TRIM14: variants seen among roughly 807,000 people sequenced by gnomAD.
TRIM14 encodes tripartite motif containing 14, also known as tripartite motif-containing protein 14.
In TRIM14, 28 loss-of-function variants were observed where a neutral mutation model predicts 44.5. The observed-to-expected ratio is 0.63, with a 90% CI of 0.47 to 0.86. The LOEUF is 0.86. TRIM14 is among the 40% of genes least tolerant of loss of function. The pLI, the probability that TRIM14 is intolerant of heterozygous loss-of-function variation, is 0.00. For missense variants in TRIM14, 607 were observed against 611.1 expected (o/e 0.99, Z 0.07); for synonymous variants, 299 against 269.2 (o/e 1.11, Z -1.08).
the TRIM14 span, among the ~76,000 whole-genome samples, chr9:98,041,386 A>C: frequency 6.6e-6 from 1 of 151,846 alleles, no homozygotes; most frequent in Admixed American, 6.6e-5. Flanking sequence ...GGGTTTCACC[A>C]TGTGGGCCAG....
Position 98,099,065 on chromosome 9 carries a change from G to A in TRIM14, c.537+866C>T, listed in dbSNP as rs145849895. 1.5e-3 allele frequency among the ~76,000 whole-genome samples: 225 copies of A among 152,268 alleles called. 2 individuals are homozygous for A. The highest frequency in any genetic ancestry group is 0.01 in the Middle Eastern group (3 of 294). On this transcript the variant is annotated intron_variant, in intron 3 of 5. Coordinates refer to ENST00000341469, the MANE Select transcript of TRIM14 (RefSeq NM_014788.4). The stretch of plus-strand genomic sequence containing the variant: ...TTCCTCAACAAAGCCCAGTGGCCAA[G>A]GAGTACCATTGAGCCAGCTGTGACT...
At chr9:98,089,094 A>G (rs1433468157) in intron 5 of TRIM14, among the ~76,000 whole-genome samples, 1 of 152,220 alleles carries the variant, frequency 6.6e-6, no homozygotes, top group Non-Finnish European at 1.5e-5. Flanking sequence ...TAAGAAAAAG[A>G]GCATTTTTCT....
At chr9:98,061,571 A>G in the TRIM14 span, among the ~76,000 whole-genome samples, 1 of 150,272 alleles carries the variant, frequency 6.7e-6, no homozygotes, top group Non-Finnish European at 1.5e-5. Flanking sequence ...CACGAGGTCA[A>G]GAGATCAAGA....
At chr9:98,082,808 T>C (rs1408914832), downstream of TRIM14, 2 of 1,599,474 alleles carry the variant, frequency 1.3e-6, no homozygotes, top group African/African-American at 2.7e-5. Flanking sequence ...ACTAGTTACT[T>C]CTGTGAAGCT....
At chr9:98,053,300 C>T in the TRIM14 span, among the ~76,000 whole-genome samples, 1 of 152,170 alleles carries the variant, frequency 6.6e-6, no homozygotes, top group Non-Finnish European at 1.5e-5. Flanking sequence ...AATTCCTGTC[C>T]TCTGGATGGC....
the TRIM14 span, among the ~76,000 whole-genome samples, chr9:98,046,411 G>A: frequency 6.6e-6 from 1 of 152,014 alleles, no homozygotes; most frequent in Admixed American, 6.6e-5. Flanking sequence ...ATCTAGGGAT[G>A]TCTGTTGATA....
chr9:98,062,039 C>G, the TRIM14 span, among the ~76,000 whole-genome samples: 1 of 151,560 alleles, frequency 6.6e-6, no homozygotes, highest in South Asian at 2.1e-4. Context: ...GTGGGCAACA[C>G]AGGGAGACCC....
Position 98,087,090 on chromosome 9 carries a change from T to G in TRIM14, c.*380A>C, listed in dbSNP as rs941325115. 2.3e-6 allele frequency: 1 copy of G among 443,790 alleles called. No individual in the cohort carries two copies. Among genetic ancestry groups the G allele is most frequent in the Admixed American group, 3.2e-5 (1 of 31,528 alleles). 27.5% of individuals were successfully genotyped at this position (443,790 alleles called of 1,614,324 possible). On this transcript the variant is annotated 3_prime_UTR_variant, in exon 6 of 6. Transcript: ENST00000341469. ...CCCATTCATTCACAAACGTTTACTG[T>G]GTGCCTACTATGTGTCAGGTTCCTG...
At chr9:98,054,716 A>G in the TRIM14 span, among the ~76,000 whole-genome samples, 1 of 152,182 alleles carries the variant, frequency 6.6e-6, no homozygotes, top group Non-Finnish European at 1.5e-5. Context: ...GCCGATAGAG[A>G]TGACGCCAGA....
At chr9:98,037,199 G>A in the TRIM14 span, among the ~76,000 whole-genome samples, 2 of 152,112 alleles carry the variant, frequency 1.3e-5, no homozygotes, top group Non-Finnish European at 2.9e-5. Flanking sequence ...CCAACATGGT[G>A]AAAGCCTGTC....
chr9:98,113,113 C>CAAAAAAAAA (rs57908629), intron 1 of TRIM14, among the ~76,000 whole-genome samples: 1 of 39,250 alleles, frequency 2.5e-5, no homozygotes, highest in Non-Finnish European at 5.9e-5. Context: ...AACTCCATCT[C>CAAAAAAAAA]AAAAAAAAAA....
chr9:98,099,463 A>T (rs951989037), intron 3 of TRIM14, among the ~76,000 whole-genome samples: 1 of 151,438 alleles, frequency 6.6e-6, no homozygotes, highest in Non-Finnish European at 1.5e-5. Context: ...AAAAAAAAAA[A>T]AAAAAAAAAA....
chr9:98,052,747 C>T, the TRIM14 span, among the ~76,000 whole-genome samples: 1 of 152,212 alleles, frequency 6.6e-6, no homozygotes, highest in African/African-American at 2.4e-5. Flanking sequence ...CTCAGCTGAT[C>T]CACTCTCCTT....
At chr9:98,108,118 T>C (rs1273072904) in intron 2 of TRIM14, among the ~76,000 whole-genome samples, 1 of 151,066 alleles carries the variant, frequency 6.6e-6, no homozygotes, top group Non-Finnish European at 1.5e-5. Flanking sequence ...GCTATAGTTA[T>C]GTAACAAGTA....
chr9:98,077,045 C>A, intron 6 of TRIM14: 1 of 1,534,950 alleles, frequency 6.5e-7, no homozygotes, highest in Non-Finnish European at 8.9e-7. Context: ...GACTTAAAAT[C>A]GAAGGGAGTC....
the TRIM14 span, among the ~76,000 whole-genome samples, chr9:98,063,698 C>T: frequency 3.3e-5 from 5 of 151,792 alleles, no homozygotes; most frequent in African/African-American, 9.7e-5. Flanking sequence ...TGTGCCAACA[C>T]GCTTGGCTAA....
chr9:98,118,943 C>T (rs1229623848), intron 1 of TRIM14, 39 bp downstream of exon 1: 4 of 1,464,666 alleles, frequency 2.7e-6, no homozygotes, highest in Non-Finnish European at 2.7e-6. Context: ...CTGGCTCCCC[C>T]AACTCCCGCG....
chr9:98,098,585 G>C (rs889119278), intron 3 of TRIM14, among the ~76,000 whole-genome samples: 1 of 151,942 alleles, frequency 6.6e-6, no homozygotes, highest in African/African-American at 2.4e-5. Context: ...GGTGGGGGGC[G>C]CCTGTAGTCC....
the TRIM14 span, among the ~76,000 whole-genome samples, chr9:98,038,946 A>C: frequency 3.3e-5 from 5 of 152,082 alleles, no homozygotes; most frequent in African/African-American, 1.2e-4. Flanking sequence ...GCTACTGGGG[A>C]GGCTGAGGCA....
Sources: gnomAD v4.1 joint callset for allele counts (sites outside exome capture counted in the v4.1 genomes callset) on GRCh38, gnomAD v4.1.1 for gene constraint, MANE v1.5 for transcripts, NCBI Gene and HGNC (gene_info 2026-07-23, HGNC 2026-07-21) for gene names.